Variants in ANK3 observed in about 807,000 individuals in gnomAD.
ANK3 encodes the protein ankyrin-3.
In ANK3, 57 loss-of-function variants were observed where a neutral mutation model predicts 370.9. That is an observed-to-expected ratio of 0.15 (90% CI 0.12 to 0.19). ANK3 has a LOEUF of 0.19. Ranked by LOEUF, ANK3 falls within the 10% of genes least tolerant of loss-of-function variation. ANK3 has a pLI of 1.00. For synonymous variants in ANK3, 1,929 were observed against 1,946.3 expected (o/e 0.99, Z 0.23); for missense variants, 4,439 against 5,302.1 (o/e 0.84, Z 5.06).
chr10:60,176,469 T>G (rs1029137258), intron 18 of ANK3, among the ~76,000 whole-genome samples: 3 of 151,966 alleles, frequency 2.0e-5, no homozygotes, highest in Admixed American at 6.6e-5. Flanking sequence ...CCCTTATAAT[T>G]TTGCTAACCA....
At chr10:60,181,215 C>T (rs1455507855) in intron 18 of ANK3, 114 bp downstream of exon 18, 39 of 964,246 alleles carry the variant, frequency 4.0e-5, no homozygotes, top group African/African-American at 6.5e-5. Context: ...TAAAATACTA[C>T]GTAGAAAAGA....
At chr10:60,549,503 G>A (rs147182580) in intron 2 of ANK3, among the ~76,000 whole-genome samples, 1 of 152,070 alleles carries the variant, frequency 6.6e-6, no homozygotes, top group African/African-American at 2.4e-5. Context: ...TCTGGGAAAA[G>A]GCCTAGTACT....
In ANK3 at chr10:60,028,493, T is replaced by C. The variant is rs2072577674; in HGVS notation, c.*1353A>G. On this transcript the variant is annotated 3_prime_UTR_variant, in exon 44 of 44. Transcript: ENST00000280772. ...TTTCATACATATGTCATTAGAGCTA[T>C]GTGTCAATGAATGCTGATTTTATGT... 6.6e-6 allele frequency: 1 copy of C among 152,664 alleles called. No individual in the cohort carries two copies. 9.5% of individuals were successfully genotyped at this position (152,664 alleles called of 1,614,324 possible).
intron 23 of ANK3, chr10:60,140,545 T>TTA: frequency 7.1e-7 from 1 of 1,408,924 alleles, no homozygotes; most frequent in South Asian, 1.7e-5. Context: ...AATTGAGGAA[T>TTA]TATACATCTT....
intron 1 of ANK3, among the ~76,000 whole-genome samples, chr10:60,694,092 T>C (rs374255468): frequency 0.051 from 7,684 of 151,656 alleles, 268 homozygotes; most frequent in African/African-American, 0.083. Context: ...TCGAGAACTA[T>C]GTGAAGAATG....
intron 2 of ANK3, among the ~76,000 whole-genome samples, chr10:60,536,836 C>A (rs2076736071): frequency 6.6e-6 from 1 of 151,840 alleles, no homozygotes; most frequent in African/African-American, 2.4e-5. Flanking sequence ...AGTATAAGAG[C>A]CAAGAAAACA....
In ANK3 at chr10:60,075,493, G is replaced by C; in HGVS notation, c.5388C>G (p.Ser1796=). Reference sequence around the variant, plus strand: ...CAAGGGATGTATAGAGTGCACTTGCGGAAGGAGTTCTTAGAGACTGAAAAG... The same window carrying C: ...CAAGGGATGTATAGAGTGCACTTGCCGAAGGAGTTCTTAGAGACTGAAAAG... The part of the protein sequence containing the change: ...PSAFQSLRTP[S]ASALYTSLGS... The change falls in exon 37 of 44, where the codon TCC becomes TCG. Residue 1796 remains serine, a synonymous_variant. Transcript: ENST00000280772. 1 of 1,613,158 alleles carries C rather than the reference G, an allele frequency of 6.2e-7. No individual in the cohort carries two copies. The highest frequency in any genetic ancestry group is 8.5e-7 in the Non-Finnish European group (1 of 1,179,978).
At chr10:60,240,151 T>TACAC (rs1565915467) in intron 7 of ANK3, among the ~76,000 whole-genome samples, 5 of 133,772 alleles carry the variant, frequency 3.7e-5, no homozygotes, top group Admixed American at 7.7e-5. Context: ...TACACATATA[T>TACAC]ATACATATAT....
intron 2 of ANK3, among the ~76,000 whole-genome samples, chr10:60,488,790 A>C (rs915956801): frequency 6.6e-6 from 1 of 152,200 alleles, no homozygotes; most frequent in African/African-American, 2.4e-5. Context: ...TTTTTCAATC[A>C]AATGTTTAGA....
chr10:60,537,370 A>G (rs1255551712), intron 2 of ANK3, among the ~76,000 whole-genome samples: 1 of 152,008 alleles, frequency 6.6e-6, no homozygotes, highest in African/African-American at 2.4e-5. Flanking sequence ...TCTTGAACAT[A>G]CTAATTATTT....
chr10:60,527,538 A>AT (rs1188418814), intron 2 of ANK3, among the ~76,000 whole-genome samples: 19 of 152,102 alleles, frequency 1.2e-4, no homozygotes, highest in Admixed American at 5.2e-4. Flanking sequence ...AGAAAATCAG[A>AT]TTTTTTTCTG....
intron 2 of ANK3, among the ~76,000 whole-genome samples, chr10:60,412,286 T>C (rs1046945373): frequency 2.0e-5 from 3 of 152,146 alleles, no homozygotes; most frequent in African/African-American, 4.8e-5. Flanking sequence ...CCAATGTGGA[T>C]GGGCCTCATC....
chr10:60,307,614 A>G (rs1471940332), intron 1 of ANK3, among the ~76,000 whole-genome samples: 1 of 152,094 alleles, frequency 6.6e-6, no homozygotes, highest in Admixed American at 6.6e-5. Flanking sequence ...TGCTGGGATT[A>G]TAGACACAAG....
chr10:60,074,547 G>A lies in ANK3; in HGVS notation c.6334C>T (p.Pro2112Ser), dbSNP rs764644086. 3.7e-6 allele frequency: 6 copies of A among 1,613,884 alleles called. No individual in the cohort carries two copies. Among genetic ancestry groups the A allele is most frequent in the Non-Finnish European group, 8.5e-7 (1 of 1,179,996 alleles). Reference sequence around the variant, plus strand: ...TGGTCGTGTTGAGAAAAGTCATCAGGAGACTCTAAAATAGTATCTGTTCCA... The same window carrying A: ...TGGTCGTGTTGAGAAAAGTCATCAGAAGACTCTAAAATAGTATCTGTTCCA... ...FFGTDTILESPDDFSQHDQDK... is the reference protein window; with the variant it reads ...FFGTDTILESSDDFSQHDQDK... Residue 2112 changes from proline to serine, a missense_variant, in exon 37 of 44, where the codon CCT (proline) becomes TCT (serine). By Grantham distance (74) the Pro-to-Ser change is moderately conservative (BLOSUM62 -1). Transcript: ENST00000280772.
intron 2 of ANK3, among the ~76,000 whole-genome samples, chr10:60,563,846 C>T (rs556601771): frequency 1.5e-4 from 23 of 152,106 alleles, no homozygotes; most frequent in African/African-American, 5.5e-4. Flanking sequence ...AGAAAATCTC[C>T]AGTAAATCTA....
Position 60,055,829 on chromosome 10 carries a change from T to A in ANK3, c.12894A>T (p.Ser4298=). The A allele has an allele frequency of 2.5e-6, 4 of 1,614,234 alleles. No individual in the cohort carries two copies. The highest frequency in any genetic ancestry group is 3.4e-6 in the Non-Finnish European group (4 of 1,180,032). The change falls in exon 42 of 44, where the codon TCA becomes TCT. Residue 4298 remains serine (S), a synonymous_variant. Coordinates refer to ENST00000280772, the MANE Select transcript of ANK3 (RefSeq NM_020987.5). The part of the protein sequence containing the change: ...HGSGHVEEPA[S]PLAAYQKSLE... Reference sequence around the variant, plus strand: ...GAGATTTCTGATATGCTGCTAGTGGTGATGCTGGTTCTTCAACATGACCAG... The same window carrying A: ...GAGATTTCTGATATGCTGCTAGTGGAGATGCTGGTTCTTCAACATGACCAG...
intron 26 of ANK3, 38 bp downstream of exon 26, chr10:60,114,187 G>A (rs757915827): frequency 2.5e-6 from 3 of 1,179,440 alleles, no homozygotes; most frequent in Non-Finnish European, 1.2e-6. Context: ...CACTGTTCAT[G>A]TAGTAGGATA....
At chr10:60,456,554 A>G (rs1202377893) in intron 2 of ANK3, among the ~76,000 whole-genome samples, 1 of 152,134 alleles carries the variant, frequency 6.6e-6, no homozygotes, top group Non-Finnish European at 1.5e-5. Context: ...TATAATAACG[A>G]ATGAGACTGC....
rs189304984 is a variant in ANK3, at chr10:60,120,539, T to C, written c.2842-6208A>G. ...CAAAGTGAAGAGACAACCCACAGAA[T>C]GGGAGAATGTATTGACAAACTCTCC... On this transcript the variant is annotated intron_variant, in intron 25 of 43. Transcript: ENST00000280772. 8.6e-3 allele frequency among the ~76,000 whole-genome samples: 1,303 copies of C among 152,048 alleles called. 11 individuals carry two copies. Among genetic ancestry groups the C allele is most frequent in the South Asian group, 0.016 (77 of 4,810 alleles).
Sources: allele counts gnomAD v4.1 joint callset (sites outside exome capture counted in the v4.1 genomes callset), GRCh38; gene constraint gnomAD v4.1.1; transcripts MANE v1.5; gene names NCBI Gene and HGNC (gene_info 2026-07-23, HGNC 2026-07-21).